GPR39: variants seen among roughly 807,000 people sequenced by gnomAD.
GPR39 encodes zinc sensing receptor.
GPR39 carries 23 observed loss-of-function variants against 18.4 expected under a neutral mutation model. The observed-to-expected ratio is 1.25, with a 90% CI of 0.90 to 1.77. The LOEUF (loss-of-function observed/expected upper bound fraction) is 1.77, where lower values mean the gene tolerates loss of function less well. Ranked by LOEUF, GPR39 falls within the 40% of genes most tolerant of loss-of-function variation. The probability of loss-of-function intolerance (pLI) is 0.00; values close to 1 mark genes in which losing one functional copy is unlikely to be tolerated. For missense variants in GPR39, 647 were observed against 602.4 expected (o/e 1.07, Z -0.78); for synonymous variants, 280 against 257.9 (o/e 1.09, Z -0.82).
intron 1 of GPR39, among the ~76,000 whole-genome samples, chr2:132,620,519 G>C (rs1204858056): frequency 6.6e-6 from 1 of 152,156 alleles, no homozygotes; most frequent in Non-Finnish European, 1.5e-5. Context: ...CCTGTGTCAG[G>C]TCTGGGCTCA....
At chr2:132,508,589 TAA>T (rs1201974798) in intron 1 of GPR39, among the ~76,000 whole-genome samples, 1 of 48,454 alleles carries the variant, frequency 2.1e-5, no homozygotes, top group Non-Finnish European at 6.1e-5. Context: ...TTGAAATGAC[TAA>T]CAAGCCAGAG....
At chr2:132,479,825 G>C (rs953298316) in intron 1 of GPR39, among the ~76,000 whole-genome samples, 1 of 151,506 alleles carries the variant, frequency 6.6e-6, no homozygotes, top group Non-Finnish European at 1.5e-5. Flanking sequence ...TAAAATTACT[G>C]TATTATCTAG....
chr2:132,421,879 C>T (rs1680017084), intron 1 of GPR39, among the ~76,000 whole-genome samples: 2 of 151,908 alleles, frequency 1.3e-5, no homozygotes, highest in African/African-American at 4.8e-5. Flanking sequence ...GACAGTGGGT[C>T]CTCTTTACCT....
intron 1 of GPR39, among the ~76,000 whole-genome samples, chr2:132,564,848 G>A (rs1406891386): frequency 1.5e-4 from 12 of 80,760 alleles, no homozygotes; most frequent in South Asian, 4.1e-4. Context: ...ACAGAGTCTC[G>A]CTCTATTGCC....
At chr2:132,611,748 AG>A (rs1681243229) in intron 1 of GPR39, among the ~76,000 whole-genome samples, 1 of 152,060 alleles carries the variant, frequency 6.6e-6, no homozygotes, top group Non-Finnish European at 1.5e-5. Flanking sequence ...TCTGGGATGG[AG>A]ATTATACAGT....
At position 132,545,653 on chromosome 2, in the gene GPR39, G is replaced by GGTGTGTGTGT. The variant is rs5834318; in HGVS notation, c.857-99447_857-99446insTGTGTGTGTG. Among the ~76,000 whole-genome samples the GGTGTGTGTGT allele has an allele frequency of 3.1e-3, 421 of 134,778 alleles. 2 individuals are homozygous for GGTGTGTGTGT. The highest frequency in any genetic ancestry group is 9.6e-3 in the African/African-American group (382 of 39,830). The allele number at this position is 134,778 out of a possible 152,430, so 88.4% of individuals were successfully genotyped here. On this transcript the variant is annotated intron_variant, in intron 1 of 1. Coordinates refer to ENST00000329321, the MANE Select transcript of GPR39 (RefSeq NM_001508.3). The stretch of plus-strand genomic sequence containing the variant: ...ATCTTATAATCCACGATGTGTGATG[G>GGTGTGTGTGT]GCGTGTGTGTGTGTGTGTGTGTGTG...
At chr2:132,605,085 C>A (rs1366097725) in intron 1 of GPR39, among the ~76,000 whole-genome samples, 2 of 152,138 alleles carry the variant, frequency 1.3e-5, no homozygotes, top group Non-Finnish European at 2.9e-5. Context: ...AATGAGTGCT[C>A]AGGAAAGAAA....
intron 1 of GPR39, among the ~76,000 whole-genome samples, chr2:132,504,894 AC>A (rs1292320255): frequency 6.6e-6 from 1 of 152,174 alleles, no homozygotes; most frequent in African/African-American, 2.4e-5. Context: ...TGTGTACACG[AC>A]CTATTCTATA....
intron 1 of GPR39, among the ~76,000 whole-genome samples, chr2:132,458,042 T>C (rs1034227685): frequency 1.3e-5 from 2 of 152,236 alleles, no homozygotes; most frequent in East Asian, 1.9e-4. Context: ...CTGTCACGGC[T>C]TCCCTTGGCT....
intron 1 of GPR39, among the ~76,000 whole-genome samples, chr2:132,606,826 T>G (rs547541608): frequency 1.7e-4 from 26 of 152,180 alleles, no homozygotes; most frequent in Non-Finnish European, 3.5e-4. Context: ...TCTTCCCCTG[T>G]GGTCGGGCCG....
intron 1 of GPR39, chr2:132,489,185 A>G (rs1681406922): frequency 4.4e-6 from 1 of 227,248 alleles, no homozygotes; most frequent in South Asian, 7.9e-5. Flanking sequence ...ACACAAATGC[A>G]TCTTCCTCGG....
chr2:132,551,437 G>A (rs1244341877), intron 1 of GPR39, among the ~76,000 whole-genome samples: 1 of 152,162 alleles, frequency 6.6e-6, no homozygotes, highest in Non-Finnish European at 1.5e-5. Context: ...ATAATCAGGA[G>A]CTTGTAATGC....
chr2:132,491,428 A>G (rs551563032), intron 1 of GPR39, among the ~76,000 whole-genome samples: 4 of 152,152 alleles, frequency 2.6e-5, no homozygotes, highest in African/African-American at 9.6e-5. Flanking sequence ...TTGCCTACTT[A>G]TTCAAATGTT....
chr2:132,417,876 G>A lies in GPR39; in HGVS notation c.834G>A (p.Arg278=), dbSNP rs1233106611. 6.3e-7 allele frequency: 1 copy of A among 1,594,728 alleles called. No homozygotes were observed. Among genetic ancestry groups the A allele is most frequent in the South Asian group, 1.1e-5 (1 of 90,246 alleles). ...KSESEESRTA[R]RQTIIFLRLI... ...AGAGCGAAGAGAGCAGGACCGCCAG[G>A]AGGCAGACCATCATCTTCCTGAGTG... The change falls in exon 1 of 2, where the codon AGG becomes AGA. Residue 278 remains arginine (R), a synonymous_variant. Transcript: ENST00000329321.
At chr2:132,484,817 G>A (rs534454433) in intron 1 of GPR39, among the ~76,000 whole-genome samples, 2 of 152,196 alleles carry the variant, frequency 1.3e-5, no homozygotes, top group Non-Finnish European at 2.9e-5. Flanking sequence ...TGTTTAGATG[G>A]TCTGGAAAAC....
At chr2:132,629,589 G>A (rs1053710924) in intron 1 of GPR39, among the ~76,000 whole-genome samples, 1 of 152,176 alleles carries the variant, frequency 6.6e-6, no homozygotes, top group Non-Finnish European at 1.5e-5. Context: ...AGCTGAAAAG[G>A]GCTGCAGAAA....
Position 132,564,810 on chromosome 2 carries a change from C to CTTTTT in GPR39, c.857-80274_857-80270dup, listed in dbSNP as rs948881403. Among the ~76,000 whole-genome samples the CTTTTT allele has an allele frequency of 5.5e-3, 526 of 95,446 alleles. 19 individuals are homozygous for CTTTTT. Among genetic ancestry groups the CTTTTT allele is most frequent in the Middle Eastern group, 0.012 (1 of 86 alleles). The allele number at this position is 95,446 out of a possible 152,430, so 62.6% of individuals were successfully genotyped here. On this transcript the variant is annotated intron_variant, in intron 1 of 1. Transcript: ENST00000329321. Reference sequence around the variant, plus strand: ...TTTAATAACTATTTTTTTCTTTTTTCTTTTTTTTTTTTTTTTTTTTTGTTG... The same window carrying CTTTTT: ...TTTAATAACTATTTTTTTCTTTTTTCTTTTTTTTTTTTTTTTTTTTTTTTTTGTTG...
chr2:132,420,111 C>T (rs1370619354), intron 1 of GPR39, among the ~76,000 whole-genome samples: 1 of 152,188 alleles, frequency 6.6e-6, no homozygotes, highest in East Asian at 1.9e-4. Flanking sequence ...TTTCTTCTGG[C>T]TCTTTCCTTC....
At chr2:132,527,602 A>C (rs977093691) in intron 1 of GPR39, among the ~76,000 whole-genome samples, 2 of 152,186 alleles carry the variant, frequency 1.3e-5, no homozygotes, top group African/African-American at 4.8e-5. Context: ...GCCAGCATCT[A>C]TTGTTTCTTG....
Sources: gnomAD v4.1 joint callset for allele counts (sites outside exome capture counted in the v4.1 genomes callset) on GRCh38, gnomAD v4.1.1 for gene constraint, MANE v1.5 for transcripts, NCBI Gene and HGNC (gene_info 2026-07-23, HGNC 2026-07-21) for gene names.